ANO6: variants seen among roughly 807,000 people sequenced by gnomAD.
ANO6 encodes anoctamin 6.
In ANO6, 106 loss-of-function variants were observed where a neutral mutation model predicts 117.5. The observed-to-expected ratio is 0.90, with a 90% CI of 0.77 to 1.06. ANO6 has a LOEUF of 1.06. Among genes scored for constraint, ANO6 ranks in the 50% least tolerant of loss-of-function variants. The pLI is 0.00. For missense variants in ANO6, 955 were observed against 1,121.1 expected (o/e 0.85, Z 2.12); for synonymous variants, 367 against 385.1 (o/e 0.95, Z 0.55).
chr12:45,256,392 A>G (rs1189472366), intron 1 of ANO6: 1 of 152,158 alleles, frequency 6.6e-6, no homozygotes, highest in Non-Finnish European at 1.5e-5. Context: ...TTGTCATTGC[A>G]TTGGTACCTT....
chr12:45,237,940 A>G (rs534215720), intron 1 of ANO6, among the ~76,000 whole-genome samples: 1 of 152,224 alleles, frequency 6.6e-6, no homozygotes, highest in East Asian at 1.9e-4. Flanking sequence ...GGTCCCTCAC[A>G]TCTCTTGTAA....
chr12:45,407,740 ATG>A (rs1948053017), intron 15 of ANO6, among the ~76,000 whole-genome samples: 1 of 152,048 alleles, frequency 6.6e-6, no homozygotes, highest in African/African-American at 2.4e-5. Flanking sequence ...GCAGGTTTTG[ATG>A]TGTTAGGAAA....
intron 1 of ANO6, among the ~76,000 whole-genome samples, chr12:45,224,268 A>G (rs1008645660): frequency 1.3e-5 from 2 of 152,230 alleles, no homozygotes; most frequent in African/African-American, 4.8e-5. Context: ...GCATGGGGCT[A>G]GGACAGCAGA....
In ANO6 at chr12:45,403,195, A is replaced by C. The variant is rs372908985; in HGVS notation, c.1736A>C (p.Tyr579Ser). 142 of 1,613,892 alleles carry C rather than the reference A, an allele frequency of 8.8e-5. No homozygotes were observed. The highest frequency in any genetic ancestry group is 1.2e-4 in the Non-Finnish European group (140 of 1,179,952). The change falls in exon 14 of 20, where the codon TAT (tyrosine) becomes TCT (serine). Residue 579 changes from tyrosine to serine, a missense_variant. Transcript: ENST00000320560. ...IAFFKGKFVG[Y>S]PGDPVYWLGK... ...TTCTTTAAGGGCAAATTTGTAGGCT[A>C]TCCAGGAGACCCAGTTTATTGGTTG... is the stretch of plus-strand genomic sequence containing the variant.
At chr12:45,382,901 G>A (rs964726753) in intron 10 of ANO6, among the ~76,000 whole-genome samples, 2 of 152,168 alleles carry the variant, frequency 1.3e-5, no homozygotes, top group African/African-American at 2.4e-5. Flanking sequence ...TAGGTAGGAG[G>A]ATGGTTGCTG....
At position 45,388,246 on chromosome 12, in the gene ANO6, A is replaced by AG. The variant is rs746960789; in HGVS notation, c.1252dup (p.Ala418GlyfsTer16). Reference sequence around the variant, plus strand: ...CTGTTGAGTTACAGCAGGAAGAACAAGCCCGACCAGAATACGAAGCACGAT... The same window carrying AG: ...CTGTTGAGTTACAGCAGGAAGAACAAGGCCCGACCAGAATACGAAGCACGAT... On this transcript the variant is annotated frameshift_variant, in exon 11 of 20. Coordinates refer to ENST00000320560, the MANE Select transcript of ANO6 (RefSeq NM_001025356.3). LOFTEE classifies it high-confidence loss of function. The AG allele has an allele frequency of 1.2e-5, 20 of 1,614,042 alleles. No homozygotes were observed. In the South Asian group the frequency reaches 2.1e-4, roughly 17 times the overall value.
chr12:45,428,497 C>G (rs1943558705), intron 19 of ANO6, among the ~76,000 whole-genome samples: 1 of 152,078 alleles, frequency 6.6e-6, no homozygotes, highest in South Asian at 2.1e-4. Context: ...TTCTGGATCA[C>G]TTGAGCCCAG....
intron 2 of ANO6, among the ~76,000 whole-genome samples, chr12:45,318,362 A>G (rs1940126765): frequency 6.6e-6 from 1 of 152,168 alleles, no homozygotes; most frequent in Admixed American, 6.5e-5. Context: ...TTTTCCCAGC[A>G]CCATTTATTA....
chr12:45,219,155 G>T (rs1419963355), intron 1 of ANO6, among the ~76,000 whole-genome samples: 1 of 151,972 alleles, frequency 6.6e-6, no homozygotes, highest in Non-Finnish European at 1.5e-5. Flanking sequence ...GCGTTATAAT[G>T]GCCTAATTTG....
intron 1 of ANO6, among the ~76,000 whole-genome samples, chr12:45,278,303 C>T (rs1009723865): frequency 1.2e-4 from 19 of 152,126 alleles, no homozygotes; most frequent in African/African-American, 4.3e-4. Flanking sequence ...AGTTTGTTTT[C>T]AGTCGTGGGA....
At chr12:45,412,611 A>G (rs541035282) in intron 16 of ANO6, among the ~76,000 whole-genome samples, 1 of 152,278 alleles carries the variant, frequency 6.6e-6, no homozygotes, top group South Asian at 2.1e-4. Flanking sequence ...ATCACCTGCC[A>G]TGAAGTCTCC....
At chr12:45,354,330 C>T (rs1160572176) in intron 7 of ANO6, among the ~76,000 whole-genome samples, 2 of 152,180 alleles carry the variant, frequency 1.3e-5, no homozygotes, top group Non-Finnish European at 2.9e-5. Context: ...AGTAACTTCA[C>T]ATGTCTAAGG....
chr12:45,419,288 C>G (rs903865707), intron 17 of ANO6, among the ~76,000 whole-genome samples: 35 of 152,328 alleles, frequency 2.3e-4, no homozygotes, highest in African/African-American at 6.0e-4. Flanking sequence ...AGAAAAGTAT[C>G]TTGTCAGAAG....
intron 1 of ANO6, among the ~76,000 whole-genome samples, chr12:45,221,734 G>C (rs1947402552): frequency 6.6e-6 from 1 of 152,066 alleles, no homozygotes; most frequent in Admixed American, 6.6e-5. Flanking sequence ...GGCGCCATCT[G>C]TGGGTTCTCA....
chr12:45,393,127 A>G (rs1301610856), intron 12 of ANO6, among the ~76,000 whole-genome samples: 1 of 152,222 alleles, frequency 6.6e-6, no homozygotes, highest in African/African-American at 2.4e-5. Flanking sequence ...GCTAACTAGA[A>G]TAAACAATGT....
At position 45,344,236 on chromosome 12, in the gene ANO6, T is replaced by G. The variant is rs764672451; in HGVS notation, c.280-2786T>G. ...TTAAATTCTTTCAGTCTCCAGTACT[T>G]TGCAGGATGCCTGCAAAATAAAAGG... On this transcript the variant is annotated intron_variant, in intron 3 of 19. Transcript: ENST00000320560. 3.9e-5 allele frequency among the ~76,000 whole-genome samples: 6 copies of G among 152,222 alleles called. No homozygotes were observed. The South Asian group carries it at 1.0e-3, about 26-fold the overall frequency.
At position 45,303,442 on chromosome 12, in the gene ANO6, C is replaced by A. The variant is rs556721592; in HGVS notation, c.150+1349C>A. ...CTTTTTTTTGTTGTTTTATTTTTGG[C>A]TCCTTTTGTTGATACTTTTCAAGCA... is the stretch of plus-strand genomic sequence containing the variant. On this transcript the variant is annotated intron_variant, in intron 2 of 19. Coordinates refer to ENST00000320560, the MANE Select transcript of ANO6 (RefSeq NM_001025356.3). Among the ~76,000 whole-genome samples, 12 of 152,186 alleles carry A rather than the reference C, an allele frequency of 7.9e-5. No homozygotes were observed. The East Asian group carries it at 2.3e-3, about 29-fold the overall frequency.
chr12:45,273,460 C>T (rs1269287318), intron 1 of ANO6, among the ~76,000 whole-genome samples: 1 of 152,166 alleles, frequency 6.6e-6, no homozygotes, highest in African/African-American at 2.4e-5. Context: ...TGATAATTTG[C>T]TCTTTTCGTT....
chr12:45,370,539 G>A (rs889179362), intron 9 of ANO6, among the ~76,000 whole-genome samples: 30 of 152,302 alleles, frequency 2.0e-4, no homozygotes, highest in African/African-American at 7.0e-4. Flanking sequence ...CAAGTAGAGT[G>A]TTGTCAAATA....
Sources: allele counts gnomAD v4.1 joint callset (sites outside exome capture counted in the v4.1 genomes callset), GRCh38; gene constraint gnomAD v4.1.1; transcripts MANE v1.5; gene names NCBI Gene and HGNC (gene_info 2026-07-23, HGNC 2026-07-21).